The following PDGFC variants were observed in gnomAD, a reference collection of about 807,000 sequenced individuals.
The protein encoded by PDGFC is platelet derived growth factor C.
In PDGFC, 12 loss-of-function variants were observed where a neutral mutation model predicts 35.5. That is an observed-to-expected ratio of 0.34 (90% CI 0.22 to 0.55). The LOEUF is 0.55. PDGFC is among the 20% of genes least tolerant of loss of function. PDGFC has a pLI of 0.91. For synonymous variants in PDGFC, 159 were observed against 148.8 expected (o/e 1.07, Z -0.50); for missense variants, 322 against 412.4 (o/e 0.78, Z 1.90).
intron 2 of PDGFC, among the ~76,000 whole-genome samples, chr4:156,847,883 C>T (rs1729363664): frequency 6.6e-6 from 1 of 151,326 alleles, no homozygotes; most frequent in African/African-American, 2.4e-5. Context: ...CAAAATTGAC[C>T]AAAGTAACAG....
intron 1 of PDGFC, among the ~76,000 whole-genome samples, chr4:156,867,513 C>G (rs1181734901): frequency 1.3e-5 from 2 of 152,164 alleles, no homozygotes; most frequent in Admixed American, 1.3e-4. Flanking sequence ...GGGGTGCGCA[C>G]AGAGCTATGT....
chr4:156,888,016 A>T, intron 1 of PDGFC, among the ~76,000 whole-genome samples: 1 of 152,092 alleles, frequency 6.6e-6, no homozygotes, highest in Non-Finnish European at 1.5e-5. Context: ...AAAAAAAAAA[A>T]AAAAGATTGA....
At chr4:156,818,389 C>T (rs1422220004) in intron 2 of PDGFC, among the ~76,000 whole-genome samples, 2 of 151,814 alleles carry the variant, frequency 1.3e-5, no homozygotes, top group Non-Finnish European at 2.9e-5. Flanking sequence ...GCTGTTTTGC[C>T]TTCATATCAT....
chr4:156,813,305 T>A (rs1403497808), intron 2 of PDGFC, among the ~76,000 whole-genome samples: 1 of 152,118 alleles, frequency 6.6e-6, no homozygotes, highest in East Asian at 1.9e-4. Context: ...TATGAAACAC[T>A]GATTTGGCGC....
At chr4:156,824,327 T>TACACATATACACATACAC (rs1553967645) in intron 2 of PDGFC, among the ~76,000 whole-genome samples, 10 of 102,832 alleles carry the variant, frequency 9.7e-5, no homozygotes, top group East Asian at 6.8e-4. Context: ...TATATATATA[T>TACACATATACACATACAC]ACACACACAC....
At chr4:156,947,647 A>C (rs1475447651) in intron 1 of PDGFC, among the ~76,000 whole-genome samples, 1 of 152,072 alleles carries the variant, frequency 6.6e-6, no homozygotes, top group Non-Finnish European at 1.5e-5. Context: ...AACAGCAAAA[A>C]GAGGTCTAAG....
chr4:156,923,919 A>G (rs1015455276), intron 1 of PDGFC, among the ~76,000 whole-genome samples: 3 of 152,238 alleles, frequency 2.0e-5, no homozygotes, highest in Admixed American at 1.3e-4. Flanking sequence ...CAGAGCCACC[A>G]GTGGGAAGAC....
At chr4:156,872,428 G>A (rs778075419) in intron 1 of PDGFC, among the ~76,000 whole-genome samples, 1 of 152,104 alleles carries the variant, frequency 6.6e-6, no homozygotes, top group Non-Finnish European at 1.5e-5. Context: ...CACTCCAATT[G>A]GAACACACCA....
At chr4:156,817,028 T>C (rs1209862755) in intron 2 of PDGFC, among the ~76,000 whole-genome samples, 2 of 152,206 alleles carry the variant, frequency 1.3e-5, no homozygotes, top group East Asian at 3.8e-4. Context: ...CCAATAGGCA[T>C]GCTTCACAGG....
intron 2 of PDGFC, among the ~76,000 whole-genome samples, chr4:156,814,524 A>G (rs529832572): frequency 6.6e-6 from 1 of 152,264 alleles, no homozygotes; most frequent in East Asian, 1.9e-4. Flanking sequence ...ATTTCAATAC[A>G]CTGCTTCAGC....
intron 2 of PDGFC, among the ~76,000 whole-genome samples, chr4:156,821,127 T>C (rs1732240765): frequency 6.6e-6 from 1 of 151,942 alleles, no homozygotes; most frequent in Non-Finnish European, 1.5e-5. Flanking sequence ...GGAGTATATA[T>C]AGTATGAAAG....
intron 3 of PDGFC, among the ~76,000 whole-genome samples, chr4:156,807,619 G>GT (rs1367407698): frequency 1.3e-5 from 2 of 151,860 alleles, no homozygotes; most frequent in African/African-American, 4.8e-5. Context: ...GGCAAAAACT[G>GT]TTTCTGAAAA....
intron 2 of PDGFC, among the ~76,000 whole-genome samples, chr4:156,844,880 G>A (rs542831526): frequency 1.2e-3 from 181 of 151,966 alleles, no homozygotes; most frequent in African/African-American, 4.2e-3. Context: ...AGAAATTGAT[G>A]TATCACAAAG....
intron 1 of PDGFC, among the ~76,000 whole-genome samples, chr4:156,855,654 T>C (rs1341235749): frequency 6.6e-6 from 1 of 152,160 alleles, no homozygotes; most frequent in Admixed American, 6.6e-5. Flanking sequence ...ACTCTATAAA[T>C]TGATAATACA....
In PDGFC at chr4:156,887,360, GTCA is replaced by G. The variant is rs201766242; in HGVS notation, c.119-36947_119-36945del. On this transcript the variant is annotated intron_variant, in intron 1 of 5. Transcript: ENST00000502773. ...AATATACAAAGCTGCTCATTTTAAT[GTCA>G]TCATGCCATTTTCATTTGTAATTTT... Among the ~76,000 whole-genome samples, 57 of 152,220 alleles carry G rather than the reference GTCA, an allele frequency of 3.7e-4. No individual in the cohort carries two copies. The East Asian group carries it at 9.1e-3, about 24-fold the overall frequency.
In PDGFC at chr4:156,761,764, GAACTGGTT is replaced by G. The variant is rs1560800065; in HGVS notation, c.*1318_*1325del. 1 of 152,576 alleles carries G rather than the reference GAACTGGTT, an allele frequency of 6.6e-6. No individual in the cohort carries two copies. Among genetic ancestry groups the G allele is most frequent in the Non-Finnish European group, 1.5e-5 (1 of 68,026 alleles). The allele number at this position is 152,576 out of a possible 1,614,324, so 9.5% of individuals were successfully genotyped here. A position where few individuals can be genotyped will look rare whatever the true frequency, so the allele number is the denominator to read the frequency against. The stretch of plus-strand genomic sequence containing the variant: ...TTTAAATTGCCAGAGTACAATAAGT[GAACTGGTT>G]AAGAGACATACTTCTGTACATAAAA... On this transcript the variant is annotated 3_prime_UTR_variant, in exon 6 of 6. Transcript: ENST00000502773.
intron 2 of PDGFC, among the ~76,000 whole-genome samples, chr4:156,811,291 A>C (rs1007800185): frequency 2.0e-5 from 3 of 152,104 alleles, no homozygotes; most frequent in Non-Finnish European, 4.4e-5. Context: ...AACATTTTGT[A>C]AGGAGCAACC....
chr4:156,855,115 T>C (rs1464379487), intron 1 of PDGFC, among the ~76,000 whole-genome samples: 1 of 152,116 alleles, frequency 6.6e-6, no homozygotes, highest in Non-Finnish European at 1.5e-5. Flanking sequence ...TTCAGTTATA[T>C]AGAATCACTA....
intron 1 of PDGFC, among the ~76,000 whole-genome samples, chr4:156,885,583 C>A: frequency 6.6e-6 from 1 of 151,940 alleles, no homozygotes; most frequent in East Asian, 1.9e-4. Flanking sequence ...GCTGACATTT[C>A]ATTTTGTGTA....
Sources: gnomAD v4.1 joint callset for allele counts (sites outside exome capture counted in the v4.1 genomes callset) on GRCh38, gnomAD v4.1.1 for gene constraint, MANE v1.5 for transcripts, NCBI Gene and HGNC (gene_info 2026-07-23, HGNC 2026-07-21) for gene names.